ANKRD11: variants seen among roughly 807,000 people sequenced by gnomAD.
The protein encoded by ANKRD11 is ankyrin repeat domain 11, also known as ankyrin repeat domain-containing protein 11.
ANKRD11 carries 17 observed loss-of-function variants against 195.7 expected under a neutral mutation model. The observed-to-expected ratio is 0.09, with a 90% CI of 0.06 to 0.13. The LOEUF is 0.13. Ranked by LOEUF, ANKRD11 falls within the 10% of genes least tolerant of loss-of-function variation. The pLI, the probability that ANKRD11 is intolerant of heterozygous loss-of-function variation, is 1.00. For missense variants in ANKRD11, 3,735 were observed against 3,566.1 expected, an observed-to-expected ratio of 1.05 and a Z score of -1.21; for synonymous variants, 1,953 against 1,528.1, an observed-to-expected ratio of 1.28 and a Z score of -6.49.
chr16:89,323,190 C>G (rs781275647), intron 2 of ANKRD11: 15 of 684,552 alleles, frequency 2.2e-5, no homozygotes, highest in East Asian at 1.3e-4. Context: ...GCACACCTCA[C>G]AGGGAGAGAA....
In ANKRD11 at chr16:89,401,917, G is replaced by A. The variant is rs1299782918; in HGVS notation, c.-60+16367C>T. On this transcript the variant is annotated intron_variant, in intron 2 of 12. Transcript: ENST00000301030. ...GAGACTCCCCCATCCCCCAGAACCT[G>A]GAGAGAGGCCTGGAGCAGATGCCCG... Among the ~76,000 whole-genome samples the A allele has an allele frequency of 6.0e-5, 9 of 150,756 alleles. No individual in the cohort carries two copies. The East Asian group carries it at 1.8e-3, about 29-fold the overall frequency.
At position 89,281,419 on chromosome 16, in the gene ANKRD11, G is replaced by C. The variant is rs371204323; in HGVS notation, c.5123C>G (p.Ser1708Trp). The change falls in exon 9 of 13, where the codon TCG (serine) becomes TGG (tryptophan). Residue 1708 changes from serine (S) to tryptophan (W), a missense_variant. By Grantham distance (177) the Ser-to-Trp change is radical. Transcript: ENST00000301030. This position sits in a 1 kb window ranked among gnomAD's most constrained non-coding sequence, Gnocchi z 5.5. ...SRPTGVPTPT[S>W]VLSCPSYEEV... ...CTCGTAGCTGGGGCAGGATAGCACCGACGTAGGGGTGGGCACGCCAGTGGG... is the reference window on the plus strand; with the variant it reads ...CTCGTAGCTGGGGCAGGATAGCACCCACGTAGGGGTGGGCACGCCAGTGGG... 3.7e-6 allele frequency: 6 copies of C among 1,611,806 alleles called. 1 individual carries two copies. In the South Asian group the frequency reaches 6.6e-5, roughly 18 times the overall value.
At chr16:89,440,540 CAGG>C (rs1414308153) in intron 1 of ANKRD11, among the ~76,000 whole-genome samples, 1 of 152,132 alleles carries the variant, frequency 6.6e-6, no homozygotes, top group Non-Finnish European at 1.5e-5. Flanking sequence ...TGCTTGAGAC[CAGG>C]AGGTCAACAC....
At chr16:89,309,027 A>C (rs371496107) in intron 3 of ANKRD11, among the ~76,000 whole-genome samples, 1 of 152,158 alleles carries the variant, frequency 6.6e-6, no homozygotes, top group African/African-American at 2.4e-5. Flanking sequence ...TTCTTCACAC[A>C]TGGAAGCTTC....
At chr16:89,394,940 A>C (rs2041359930) in intron 2 of ANKRD11, among the ~76,000 whole-genome samples, 1 of 152,254 alleles carries the variant, frequency 6.6e-6, no homozygotes, top group African/African-American at 2.4e-5. Context: ...AGTTTTTCCA[A>C]GGCTACTTAG....
chr16:89,268,565 C>T lies in ANKRD11; in HGVS notation c.7905G>A (p.Gly2635=), dbSNP rs1249632410. The T allele has an allele frequency of 3.3e-6, 5 of 1,529,840 alleles. No homozygotes were observed. In the Admixed American group the frequency reaches 9.8e-5, roughly 30 times the overall value. The allele number at this position is 1,529,840 out of a possible 1,614,324, so 94.8% of individuals were successfully genotyped here. A position where few individuals can be genotyped will look rare whatever the true frequency, so the allele number is the denominator to read the frequency against. The change falls in exon 13 of 13, where the codon GGG becomes GGA. Residue 2635 remains glycine, a synonymous_variant. Transcript: ENST00000301030. ...CCTCGTTCACGCACAGGGACTTGTG[C>T]CCGGCGGGGTCCAGTTCCTGCACCT... ...QLKVQELDPA[G]HKSLCVNEVP...
At chr16:89,454,091 C>T (rs1365842812) in intron 1 of ANKRD11, among the ~76,000 whole-genome samples, 1 of 152,176 alleles carries the variant, frequency 6.6e-6, no homozygotes, top group Non-Finnish European at 1.5e-5. Context: ...ACACTCTAAA[C>T]TCATCATGGG....
At chr16:89,441,607 A>T (rs1231855115) in intron 1 of ANKRD11, among the ~76,000 whole-genome samples, 1 of 151,724 alleles carries the variant, frequency 6.6e-6, no homozygotes, top group Non-Finnish European at 1.5e-5. Flanking sequence ...CTCTACTAAA[A>T]ATACAAAAAA....
chr16:89,443,603 G>A (rs139290513), intron 1 of ANKRD11, among the ~76,000 whole-genome samples: 10 of 152,194 alleles, frequency 6.6e-5, no homozygotes, highest in East Asian at 5.8e-4. Flanking sequence ...TGCCTGCCAC[G>A]CATGGAAAAT....
intron 4 of ANKRD11, among the ~76,000 whole-genome samples, chr16:89,293,702 C>T (rs1394358925): frequency 5.8e-5 from 7 of 120,476 alleles, no homozygotes; most frequent in Admixed American, 2.6e-4. Context: ...GTTGGGGCTG[C>T]GGAGGGAGGA....
intron 2 of ANKRD11, among the ~76,000 whole-genome samples, chr16:89,377,048 A>C (rs1461191231): frequency 6.6e-6 from 1 of 152,202 alleles, no homozygotes; most frequent in African/African-American, 2.4e-5. Flanking sequence ...CCGTGAAGTC[A>C]GGAAGTACCT....
At chr16:89,457,259 G>A (rs1049066053) in intron 1 of ANKRD11, among the ~76,000 whole-genome samples, 5 of 145,824 alleles carry the variant, frequency 3.4e-5, no homozygotes, top group Middle Eastern at 3.5e-3. Context: ...GCGCCCGGCC[G>A]AGTCTTACCT....
intron 1 of ANKRD11, among the ~76,000 whole-genome samples, chr16:89,454,405 T>TA (rs374660176): frequency 5.3e-5 from 8 of 152,200 alleles, no homozygotes; most frequent in East Asian, 1.9e-4. Flanking sequence ...ACCTAGTGGG[T>TA]AAAAAAACCC....
intron 2 of ANKRD11, among the ~76,000 whole-genome samples, chr16:89,330,025 T>TAAAAG (rs1272479803): frequency 2.0e-5 from 3 of 150,134 alleles, no homozygotes; most frequent in African/African-American, 7.5e-5. Flanking sequence ...TAAAATAAAA[T>TAAAAG]AAAATGTAAA....
intron 2 of ANKRD11, among the ~76,000 whole-genome samples, chr16:89,379,579 A>G (rs2040559500): frequency 6.6e-6 from 1 of 152,212 alleles, no homozygotes; most frequent in Non-Finnish European, 1.5e-5. Flanking sequence ...CCTGGGCTCA[A>G]GTGACACTTC....
intron 2 of ANKRD11, among the ~76,000 whole-genome samples, chr16:89,358,267 G>C (rs2037191637): frequency 6.6e-6 from 1 of 152,240 alleles, no homozygotes; most frequent in African/African-American, 2.4e-5. Flanking sequence ...GCTTGCAGAA[G>C]ACGTAGAGCA....
intron 2 of ANKRD11, among the ~76,000 whole-genome samples, chr16:89,358,046 T>C (rs908334417): frequency 6.6e-6 from 1 of 152,238 alleles, no homozygotes; most frequent in Non-Finnish European, 1.5e-5. Flanking sequence ...CTCTTACTGC[T>C]TTGAACAATG....
intron 2 of ANKRD11, among the ~76,000 whole-genome samples, chr16:89,363,776 C>G (rs1192131190): frequency 6.6e-6 from 1 of 152,170 alleles, no homozygotes; most frequent in African/African-American, 2.4e-5. Flanking sequence ...GGAGTGCTAG[C>G]CCTATGCGGT....
intron 2 of ANKRD11, among the ~76,000 whole-genome samples, chr16:89,326,930 C>G (rs1357112078): frequency 1.3e-5 from 2 of 152,056 alleles, no homozygotes; most frequent in African/African-American, 2.4e-5. Flanking sequence ...CACAGACACA[C>G]GACCAGGCGG....
Sources: allele counts gnomAD v4.1 joint callset (sites outside exome capture counted in the v4.1 genomes callset), GRCh38; gene constraint gnomAD v4.1.1; non-coding constraint Gnocchi (gnomAD v3.1); transcripts MANE v1.5; gene names NCBI Gene and HGNC (gene_info 2026-07-23, HGNC 2026-07-21).